Variants in MRPL34 observed in about 807,000 individuals in gnomAD.
MRPL34 encodes the protein large ribosomal subunit protein bL34m.
A neutral mutation model predicts 6.7 loss-of-function variants in MRPL34; 8 were observed. The observed-to-expected ratio is 1.20, with a 90% CI of 0.70 to 2.16. The LOEUF (loss-of-function observed/expected upper bound fraction) is 2.16, where lower values mean the gene tolerates loss of function less well. MRPL34 is among the 30% of genes most tolerant of loss of function. The pLI, the probability that MRPL34 is intolerant of heterozygous loss-of-function variation, is 0.00. For missense variants in MRPL34, 146 were observed against 125.5 expected, an observed-to-expected ratio of 1.16 and a Z score of -0.78; for synonymous variants, 59 against 55.1, an observed-to-expected ratio of 1.07 and a Z score of -0.31.
At chr19:17,294,331 T>C (rs1289952803) in intron 1 of MRPL34, 2 of 1,611,730 alleles carry the variant, frequency 1.2e-6, no homozygotes, top group Admixed American at 1.7e-5. Context: ...AAACTTATCG[T>C]GCATGCCGTG....
intron 1 of MRPL34, among the ~76,000 whole-genome samples, chr19:17,294,026 T>TG (rs555784890): frequency 2.2e-3 from 329 of 152,212 alleles, no homozygotes; most frequent in Non-Finnish European, 3.3e-3. Flanking sequence ...CTTACAGCGG[T>TG]GGGGACAGTG....
upstream of MRPL34, among the ~76,000 whole-genome samples, chr19:17,300,454 G>T (rs367595574): frequency 1.3e-5 from 2 of 151,802 alleles, no homozygotes; most frequent in Non-Finnish European, 2.9e-5. Flanking sequence ...ATATCCTCCC[G>T]CCTTGGCCCC....
upstream of MRPL34, among the ~76,000 whole-genome samples, chr19:17,304,536 C>G (rs1169464058): frequency 6.6e-6 from 1 of 152,182 alleles, no homozygotes; most frequent in East Asian, 1.9e-4. Context: ...TGCTGCTTGG[C>G]CACTCACATC....
upstream of MRPL34, among the ~76,000 whole-genome samples, chr19:17,304,454 A>G (rs565882942): frequency 1.6e-4 from 25 of 152,332 alleles, no homozygotes. Flanking sequence ...GGGCATTATT[A>G]TAGTGGTGAT....
intron 1 of MRPL34, chr19:17,292,937 C>T: frequency 5.5e-6 from 7 of 1,276,984 alleles, no homozygotes; most frequent in Non-Finnish European, 7.4e-6. Flanking sequence ...ATCCAAAAGT[C>T]CCTCCTCCCA....
intron 1 of MRPL34, chr19:17,294,516 G>A: frequency 6.2e-7 from 1 of 1,613,594 alleles, no homozygotes; most frequent in Non-Finnish European, 8.5e-7. Context: ...TGGTGGTGGT[G>A]GAGGCACCGC....
intron 1 of MRPL34, among the ~76,000 whole-genome samples, chr19:17,295,090 ATTTTTTTT>A (rs779607230): frequency 2.5e-5 from 2 of 80,416 alleles, no homozygotes; most frequent in African/African-American, 9.8e-5. Flanking sequence ...CACCCAGGTA[ATTTTTTTT>A]TTTTTTTTTT....
In MRPL34 at chr19:17,306,464, G is replaced by GGGAGCAGGAACGCCTCGGACCTGA; in HGVS notation, c.*87_*110dup. The GGGAGCAGGAACGCCTCGGACCTGA allele has an allele frequency of 7.6e-7, 1 of 1,314,426 alleles. No individual in the cohort carries two copies. Among genetic ancestry groups the GGGAGCAGGAACGCCTCGGACCTGA allele is most frequent in the African/African-American group, 1.5e-5 (1 of 67,268 alleles). 81.4% of individuals were successfully genotyped at this position (1,314,426 alleles called of 1,614,324 possible). On this transcript the variant is annotated 3_prime_UTR_variant, in exon 2 of 2. Coordinates refer to ENST00000252602, the MANE Select transcript of MRPL34 (RefSeq NM_023937.4). ...CTGGCGCTATTTTTGCAGGGAGCTGGGGAGCAGGAACGCCTCGGACCTGAG... is the reference window on the plus strand; with the variant it reads ...CTGGCGCTATTTTTGCAGGGAGCTGGGGAGCAGGAACGCCTCGGACCTGAGGAGCAGGAACGCCTCGGACCTGAG...
chr19:17,292,648 G>A (rs2074075994), exon 1 of MRPL34: 3 of 1,601,234 alleles, frequency 1.9e-6, no homozygotes, highest in East Asian at 2.3e-5. Context: ...GCGATGCCCC[G>A]CCGGCCCAGC....
chr19:17,303,371 G>C (rs1007365290), upstream of MRPL34: 4 of 152,240 alleles, frequency 2.6e-5, no homozygotes, highest in African/African-American at 9.6e-5. Context: ...GCGGGCACCT[G>C]CCCCTGGCGG....
At chr19:17,303,862 C>A (rs1025545752), upstream of MRPL34, among the ~76,000 whole-genome samples, 1 of 152,192 alleles carries the variant, frequency 6.6e-6, no homozygotes, top group African/African-American at 2.4e-5. Context: ...TCATAAAGGG[C>A]ACAAGAGCAT....
upstream of MRPL34, among the ~76,000 whole-genome samples, chr19:17,298,709 G>A (rs548299251): frequency 2.9e-4 from 42 of 146,288 alleles, no homozygotes; most frequent in African/African-American, 1.0e-3. Flanking sequence ...GGCCAAACAC[G>A]ATAGTGCTGG....
At chr19:17,304,109 G>A (rs1599527861), upstream of MRPL34, among the ~76,000 whole-genome samples, 1 of 152,232 alleles carries the variant, frequency 6.6e-6, no homozygotes, top group Admixed American at 6.5e-5. Flanking sequence ...CTTCTCTAAA[G>A]CTTTCAAGGA....
upstream of MRPL34, chr19:17,298,510 A>AT (rs2074103018): frequency 6.6e-6 from 1 of 151,998 alleles, no homozygotes; most frequent in Non-Finnish European, 1.5e-5. Flanking sequence ...AGGGCAGTTG[A>AT]TTTTTTAACT....
chr19:17,301,131 A>G (rs774566297), upstream of MRPL34: 29 of 1,612,744 alleles, frequency 1.8e-5, no homozygotes, highest in Admixed American at 4.5e-4. Context: ...TGCGCTTCTC[A>G]CAGTCAATAT....
upstream of MRPL34, chr19:17,305,807 A>G (rs769485670): frequency 4.3e-6 from 6 of 1,383,232 alleles, no homozygotes; most frequent in Admixed American, 5.0e-5. Context: ...GAGAAACTAC[A>G]TTTCCCATAA....
At chr19:17,301,057 G>C, upstream of MRPL34, 1 of 1,613,498 alleles carries the variant, frequency 6.2e-7, no homozygotes, top group Non-Finnish European at 8.5e-7. Context: ...GATGGCCAGG[G>C]AACCGCCGAC....
intron 1 of MRPL34, chr19:17,292,880 G>A: frequency 6.3e-7 from 1 of 1,578,828 alleles, no homozygotes; most frequent in African/African-American, 1.3e-5. Flanking sequence ...AGGGTGGAGA[G>A]AGGCCAGGCT....
intron 1 of MRPL34, among the ~76,000 whole-genome samples, chr19:17,294,098 C>A (rs1164513704): frequency 6.6e-6 from 1 of 152,122 alleles, no homozygotes; most frequent in Non-Finnish European, 1.5e-5. Context: ...TGATGCTAGA[C>A]CTAATGCTCC....
Sources: gnomAD v4.1 joint callset for allele counts (sites outside exome capture counted in the v4.1 genomes callset) on GRCh38, gnomAD v4.1.1 for gene constraint, MANE v1.5 for transcripts, NCBI Gene and HGNC (gene_info 2026-07-23, HGNC 2026-07-21) for gene names.